The following PTPRD variants were observed in gnomAD, a reference collection of about 807,000 sequenced individuals.
The protein encoded by PTPRD is protein tyrosine phosphatase receptor type D, also known as receptor-type tyrosine-protein phosphatase delta.
PTPRD carries 34 observed loss-of-function variants against 214.5 expected under a neutral mutation model. That is an observed-to-expected ratio of 0.16 (90% CI 0.12 to 0.21). The LOEUF is 0.21. PTPRD is among the 10% of genes least tolerant of loss of function. The probability of loss-of-function intolerance (pLI) is 1.00; values close to 1 mark genes in which losing one functional copy is unlikely to be tolerated. For synonymous variants in PTPRD, 1,128 were observed against 845.7 expected (o/e 1.33, Z -5.79); for missense variants, 2,545 against 2,398.7 (o/e 1.06, Z -1.27).
At chr9:10,309,602 T>C (rs2096207688) in intron 3 of PTPRD, among the ~76,000 whole-genome samples, 1 of 151,498 alleles carries the variant, frequency 6.6e-6, no homozygotes. Flanking sequence ...TGACCTCAAA[T>C]GATCTGCCCA....
intron 8 of PTPRD, among the ~76,000 whole-genome samples, chr9:9,539,336 G>A (rs1251689195): frequency 2.0e-5 from 3 of 151,774 alleles, no homozygotes; most frequent in African/African-American, 4.8e-5. Flanking sequence ...ATGAAAGGGG[G>A]TAGGTGGGAG....
At chr9:8,981,768 T>C (rs1381410424) in intron 11 of PTPRD, among the ~76,000 whole-genome samples, 3 of 152,084 alleles carry the variant, frequency 2.0e-5, no homozygotes, top group Non-Finnish European at 4.4e-5. Flanking sequence ...CATAATATAA[T>C]TGCAAAATAC....
At chr9:8,717,674 C>T (rs2098451598) in intron 12 of PTPRD, among the ~76,000 whole-genome samples, 1 of 152,298 alleles carries the variant, frequency 6.6e-6, no homozygotes, top group South Asian at 2.1e-4. Context: ...ATGCTTGATC[C>T]TCACCTTCAC....
Position 9,982,597 on chromosome 9 carries a change from C to T in PTPRD, c.-471-43987G>A, listed in dbSNP as rs530659788. Among the ~76,000 whole-genome samples, 6 of 151,862 alleles carry T rather than the reference C, an allele frequency of 4.0e-5. No individual in the cohort carries two copies. The East Asian group carries it at 1.2e-3, about 29-fold the overall frequency. On this transcript the variant is annotated intron_variant, in intron 4 of 45. Transcript: ENST00000381196. ...CCCTCCTGAGGTAAGTTTCTTTCTT[C>T]CCTCAGGATAAGAATCAACACTTCC...
At chr9:8,887,827 A>C (rs556475907) in intron 11 of PTPRD, among the ~76,000 whole-genome samples, 2 of 152,276 alleles carry the variant, frequency 1.3e-5, no homozygotes, top group South Asian at 2.1e-4. Context: ...TCCACCTTCT[A>C]TGATTATTTC....
At chr9:9,266,647 A>G (rs551052707) in intron 9 of PTPRD, among the ~76,000 whole-genome samples, 1 of 151,460 alleles carries the variant, frequency 6.6e-6, no homozygotes, top group South Asian at 2.1e-4. Flanking sequence ...GTAAATAAGT[A>G]AAAATTAAGT....
At chr9:9,743,631 T>A (rs531583160) in intron 6 of PTPRD, among the ~76,000 whole-genome samples, 2 of 151,994 alleles carry the variant, frequency 1.3e-5, no homozygotes, top group East Asian at 3.9e-4. Context: ...TCCAAAGGCA[T>A]GACCTTTAAC....
chr9:8,324,516 T>C (rs1831654462), intron 44 of PTPRD, among the ~76,000 whole-genome samples: 1 of 152,170 alleles, frequency 6.6e-6, no homozygotes, highest in Admixed American at 6.5e-5. Flanking sequence ...GACATTTGGG[T>C]TGCTTACAAG....
chr9:9,106,149 G>C (rs2099798257), intron 10 of PTPRD, among the ~76,000 whole-genome samples: 1 of 152,054 alleles, frequency 6.6e-6, no homozygotes, highest in South Asian at 2.1e-4. Context: ...TATCCACTTA[G>C]TGGGTCACTG....
Position 10,417,527 on chromosome 9 carries a change from A to G in PTPRD, c.-599-76510T>C, listed in dbSNP as rs184589069. On this transcript the variant is annotated intron_variant, in intron 2 of 45. Coordinates refer to ENST00000381196, the MANE Select transcript of PTPRD (RefSeq NM_002839.4). ...TTTGCCAAGTTATTATGATTTGCAC[A>G]TTTTAGCTTAAAAGAAACTAAATAT... Among the ~76,000 whole-genome samples, 6 of 152,024 alleles carry G rather than the reference A, an allele frequency of 3.9e-5. No individual in the cohort carries two copies. In the East Asian group the frequency reaches 9.7e-4, roughly 25 times the overall value.
chr9:9,887,992 G>C (rs139357782), intron 5 of PTPRD, among the ~76,000 whole-genome samples: 1 of 152,056 alleles, frequency 6.6e-6, no homozygotes, highest in South Asian at 2.1e-4. Flanking sequence ...AACAGAAAAT[G>C]ACACCTGACG....
intron 30 of PTPRD, among the ~76,000 whole-genome samples, chr9:8,472,647 T>G (rs553557888): frequency 3.3e-5 from 5 of 152,276 alleles, no homozygotes; most frequent in African/African-American, 1.2e-4. Flanking sequence ...GTGTGAAATA[T>G]CTCAGTAATA....
chr9:9,540,789 G>A (rs1391341670), intron 8 of PTPRD, among the ~76,000 whole-genome samples: 1 of 151,706 alleles, frequency 6.6e-6, no homozygotes, highest in African/African-American at 2.4e-5. Flanking sequence ...TCTACTTAAA[G>A]GGAAAAGTTA....
intron 10 of PTPRD, among the ~76,000 whole-genome samples, chr9:9,069,839 C>T (rs408960): frequency 0.72 from 108,740 of 152,050 alleles, 39,292 homozygotes; most frequent in Non-Finnish European, 0.77. Flanking sequence ...AAAATGAGTT[C>T]ACTAAAGCAG....
At chr9:9,072,602 A>T (rs2099745375) in intron 10 of PTPRD, among the ~76,000 whole-genome samples, 1 of 152,144 alleles carries the variant, frequency 6.6e-6, no homozygotes, top group African/African-American at 2.4e-5. Flanking sequence ...TCTACAGAGC[A>T]CCTCTTATTT....
At chr9:9,302,601 C>CTTTTTTTTTTTTTTTTTTTTTTTTCTT (rs3047853) in intron 9 of PTPRD, among the ~76,000 whole-genome samples, 2 of 111,888 alleles carry the variant, frequency 1.8e-5, no homozygotes, top group African/African-American at 3.5e-5. Context: ...TTTTTTTTTT[C>CTTTTTTTTTTTTTTTTTTTTTTTTCTT]TTTTTTTTTT....
At chr9:10,169,110 T>C (rs1370056384) in intron 3 of PTPRD, among the ~76,000 whole-genome samples, 2 of 152,156 alleles carry the variant, frequency 1.3e-5, no homozygotes, top group Admixed American at 1.3e-4. Context: ...TTACTAATAA[T>C]AGTTAACCCC....
chr9:10,055,684 G>A (rs897243023), intron 3 of PTPRD, among the ~76,000 whole-genome samples: 8 of 151,938 alleles, frequency 5.3e-5, no homozygotes, highest in African/African-American at 1.7e-4. Context: ...TATATATACT[G>A]AATTATGAAT....
chr9:9,796,329 T>C (rs1230212592), intron 5 of PTPRD, among the ~76,000 whole-genome samples: 1 of 152,126 alleles, frequency 6.6e-6, no homozygotes, highest in Non-Finnish European at 1.5e-5. Context: ...GATAGAGTAC[T>C]GAAAAGGATT....
Sources: allele counts gnomAD v4.1 joint callset (sites outside exome capture counted in the v4.1 genomes callset), GRCh38; gene constraint gnomAD v4.1.1; transcripts MANE v1.5; gene names NCBI Gene and HGNC (gene_info 2026-07-23, HGNC 2026-07-21).